Variants in PLXNC1 observed in about 807,000 individuals in gnomAD.
PLXNC1 encodes the protein plexin-C1.
Under a neutral mutation model 178.2 loss-of-function variants are expected in PLXNC1, and 75 were observed. The observed-to-expected ratio is 0.42, with a 90% confidence interval of 0.35 to 0.51. The LOEUF is 0.51. PLXNC1 is among the 20% of genes least tolerant of loss of function. The pLI, the probability that PLXNC1 is intolerant of heterozygous loss-of-function variation, is 0.02. For missense variants in PLXNC1, 1,503 were observed against 1,984.4 expected, an observed-to-expected ratio of 0.76 and a Z score of 4.61; for synonymous variants, 790 against 779.9, an observed-to-expected ratio of 1.01 and a Z score of -0.22.
Position 94,224,326 on chromosome 12 carries a change from A to T in PLXNC1, c.1790+11A>T, listed in dbSNP as rs765852739. The T allele has an allele frequency of 7.9e-7, 1 of 1,266,038 alleles. No individual in the cohort carries two copies. Among genetic ancestry groups the T allele is most frequent in the Non-Finnish European group, 1.2e-6 (1 of 862,604 alleles). 78.4% of individuals were successfully genotyped at this position (1,266,038 alleles called of 1,614,324 possible). On this transcript the variant is annotated intron_variant, in intron 7 of 30. Transcript: ENST00000258526. ...CTCATCATTAAAAGAGTAAGATTTT[A>T]TTTGAAATTTGAATATTCTCTCGTT...
intron 15 of PLXNC1, among the ~76,000 whole-genome samples, chr12:94,253,500 C>T (rs1964758848): frequency 6.6e-6 from 1 of 152,098 alleles, no homozygotes; most frequent in African/African-American, 2.4e-5. Context: ...AAGTGACTGT[C>T]CTGGAAAAAG....
At position 94,237,756 on chromosome 12, in the gene PLXNC1, G is replaced by A. The variant is rs774795224; in HGVS notation, c.2073G>A (p.Ser691=). The A allele has an allele frequency of 1.2e-5, 20 of 1,613,784 alleles. No homozygotes were observed. Among genetic ancestry groups the A allele is most frequent in the South Asian group, 6.6e-5 (6 of 91,072 alleles). The change falls in exon 10 of 31, where the codon TCG becomes TCA. Residue 691 remains serine (S), a synonymous_variant. Transcript: ENST00000258526. ...IVTGANFTRA[S]NITMILKGTS... Reference sequence around the variant, plus strand: ...CGGGAGCAAACTTTACCCGGGCATCGAACATCACAATGATCCTGAAAGGAA... The same window carrying A: ...CGGGAGCAAACTTTACCCGGGCATCAAACATCACAATGATCCTGAAAGGAA...
chr12:94,293,281 T>C (rs1967552298), intron 23 of PLXNC1, among the ~76,000 whole-genome samples: 1 of 152,228 alleles, frequency 6.6e-6, no homozygotes, highest in Admixed American at 6.5e-5. Flanking sequence ...AATCGCTCCC[T>C]ATCAGGATTT....
intron 4 of PLXNC1, among the ~76,000 whole-genome samples, chr12:94,200,163 C>T (rs1963068919): frequency 6.6e-6 from 1 of 152,238 alleles, no homozygotes; most frequent in Non-Finnish European, 1.5e-5. Context: ...TACTTACCTG[C>T]ACCATCTCTA....
chr12:94,228,879 T>C lies in PLXNC1; in HGVS notation c.1980+1644T>C, dbSNP rs75524564. Among the ~76,000 whole-genome samples, 237 of 152,354 alleles carry C rather than the reference T, an allele frequency of 1.6e-3. 1 individual carries two copies. The highest frequency in any genetic ancestry group is 5.7e-3 in the African/African-American group (235 of 41,588). On this transcript the variant is annotated intron_variant, in intron 9 of 30. Coordinates refer to ENST00000258526, the MANE Select transcript of PLXNC1 (RefSeq NM_005761.3). Reference sequence around the variant, plus strand: ...ACTAGGAACGTGGGTGTGCTGCTATTTCTTCGAGACCCTGCTCTCAGTTCT... The same window carrying C: ...ACTAGGAACGTGGGTGTGCTGCTATCTCTTCGAGACCCTGCTCTCAGTTCT...
intron 21 of PLXNC1, among the ~76,000 whole-genome samples, chr12:94,267,203 C>T (rs906510091): frequency 1.3e-5 from 2 of 152,316 alleles, no homozygotes; most frequent in African/African-American, 4.8e-5. Context: ...GCATTTCAGT[C>T]ATGAGACAAC....
In PLXNC1 at chr12:94,211,352, G is replaced by A. The variant is rs570073073; in HGVS notation, c.1554+1648G>A. 5.3e-5 allele frequency among the ~76,000 whole-genome samples: 8 copies of A among 152,240 alleles called. No homozygotes were observed. The South Asian group carries it at 1.0e-3, about 20-fold the overall frequency. ...AAAGCTATCCTTTGAAACCAACTTC[G>A]GACTAATTATTTTAATAGTGTTGAT... is the stretch of plus-strand genomic sequence containing the variant. On this transcript the variant is annotated intron_variant, in intron 5 of 30. Transcript: ENST00000258526.
rs543976916 is a variant in PLXNC1, at chr12:94,187,064, C to A, written c.1439+591C>A. On this transcript the variant is annotated intron_variant, in intron 4 of 30. Transcript: ENST00000258526. ...CTTCCCCGCCATGGCAGTTTCCTAG[C>A]GTCGCTGGGCCCGGCCTGGTTGGAT... 3.9e-5 allele frequency among the ~76,000 whole-genome samples: 6 copies of A among 152,158 alleles called. No homozygotes were observed. In the South Asian group the frequency reaches 1.0e-3, roughly 26 times the overall value.
Position 94,305,243 on chromosome 12 carries a change from A to G in PLXNC1, c.4665A>G (p.Val1555=), listed in dbSNP as rs757286909. ...AAGCTCAGAAACAACTCTTGCATGT[A>G]AAAGTCTTATTTGATGAAAAGAAGA... is the stretch of plus-strand genomic sequence containing the variant. ...LEEAQKQLLH[V]KVLFDEKKKC... is the part of the protein sequence containing the mutation. Residue 1555 remains valine (V), a synonymous_variant, in exon 31 of 31, where the codon GTA becomes GTG. Coordinates refer to ENST00000258526, the MANE Select transcript of PLXNC1 (RefSeq NM_005761.3). 1 of 1,611,408 alleles carries G rather than the reference A, an allele frequency of 6.2e-7. No individual in the cohort carries two copies. The highest frequency in any genetic ancestry group is 2.2e-5 in the East Asian group (1 of 44,656).
chr12:94,173,327 A>G (rs1961916871), intron 2 of PLXNC1, among the ~76,000 whole-genome samples: 2 of 152,252 alleles, frequency 1.3e-5, no homozygotes, highest in South Asian at 4.1e-4. Flanking sequence ...CAAAGGCAGA[A>G]TTGCATATTT....
chr12:94,192,403 A>G (rs975073431), intron 4 of PLXNC1, among the ~76,000 whole-genome samples: 2 of 151,758 alleles, frequency 1.3e-5, no homozygotes, highest in Admixed American at 6.6e-5. Context: ...TCTTGTCTCT[A>G]TAGAGCTTGC....
intron 7 of PLXNC1, 196 bp from the exon 8 acceptor site, chr12:94,226,409 T>C (rs1592785113): frequency 1.9e-6 from 1 of 521,696 alleles, no homozygotes; most frequent in Non-Finnish European, 3.5e-6. Context: ...GCAACACCCC[T>C]GCAGGTGCCA....
intron 3 of PLXNC1, among the ~76,000 whole-genome samples, chr12:94,181,909 G>A (rs1466902279): frequency 6.6e-6 from 1 of 152,078 alleles, no homozygotes; most frequent in African/African-American, 2.4e-5. Context: ...TGAACGGTTA[G>A]ATGCATTTAT....
At chr12:94,280,072 G>C (rs915268202) in intron 22 of PLXNC1, 3 of 339,988 alleles carry the variant, frequency 8.8e-6, no homozygotes, top group Non-Finnish European at 1.2e-5. Flanking sequence ...CTCAGACTCT[G>C]GGTGTTAACT....
chr12:94,177,187 G>GTATATATATATGTATA (rs1962107464), intron 2 of PLXNC1, among the ~76,000 whole-genome samples: 1 of 107,438 alleles, frequency 9.3e-6, no homozygotes, highest in African/African-American at 4.5e-5. Flanking sequence ...GTATATATAT[G>GTATATATATATGTATA]TATATATATA....
intron 15 of PLXNC1, among the ~76,000 whole-genome samples, chr12:94,252,740 C>T (rs975841762): frequency 6.6e-6 from 1 of 152,202 alleles, no homozygotes; most frequent in Non-Finnish European, 1.5e-5. Context: ...AGGGAATGTG[C>T]TCCCTAGGTT....
intron 9 of PLXNC1, among the ~76,000 whole-genome samples, chr12:94,234,304 G>A (rs1476632100): frequency 6.6e-6 from 1 of 152,074 alleles, no homozygotes; most frequent in Non-Finnish European, 1.5e-5. Context: ...TACTCTTACT[G>A]TCAGAAGTAA....
chr12:94,275,771 C>T lies in PLXNC1; in HGVS notation c.3598-3701C>T, dbSNP rs1281196214. 8.4e-5 allele frequency among the ~76,000 whole-genome samples: 8 copies of T among 94,996 alleles called. 1 individual carries two copies. The highest frequency in any genetic ancestry group is 1.3e-4 in the Admixed American group (1 of 7,972). 62.3% of individuals were successfully genotyped at this position (94,996 alleles called of 152,430 possible). On this transcript the variant is annotated intron_variant, in intron 21 of 30. Coordinates refer to ENST00000258526, the MANE Select transcript of PLXNC1 (RefSeq NM_005761.3). ...TTGGGAGGCTGAGGCAGGAGAATGG[C>T]GTGAACCCGGGAGGCGGAGCTTGCA...
In PLXNC1 at chr12:94,213,500, G is replaced by T. The variant is rs1243510722; in HGVS notation, c.1554+3796G>T. 2.0e-5 allele frequency among the ~76,000 whole-genome samples: 3 copies of T among 152,168 alleles called. No homozygotes were observed. The East Asian group carries it at 5.8e-4, about 29-fold the overall frequency. On this transcript the variant is annotated intron_variant, in intron 5 of 30. Transcript: ENST00000258526. The stretch of plus-strand genomic sequence containing the variant: ...CCTTTGCCTACTTTTTGATGGGGTC[G>T]TTTGCTTTTTCTTGTAAATGTGTTT...
Sources: allele counts gnomAD v4.1 joint callset (sites outside exome capture counted in the v4.1 genomes callset), GRCh38; gene constraint gnomAD v4.1.1; transcripts MANE v1.5; gene names NCBI Gene and HGNC (gene_info 2026-07-23, HGNC 2026-07-21).